Variants in DOK5 observed in about 807,000 individuals in gnomAD.
DOK5 encodes the protein downstream of tyrosine kinase 5.
In DOK5, 27 loss-of-function variants were observed where a neutral mutation model predicts 43.3. The ratio of observed to expected loss-of-function variants is 0.62; its 90% confidence interval spans 0.46 to 0.86. DOK5 has a LOEUF of 0.86. Among genes scored for constraint, DOK5 ranks in the 40% least tolerant of loss-of-function variants. The pLI is 0.00. For missense variants in DOK5, 373 were observed against 392.9 expected, an observed-to-expected ratio of 0.95 and a Z score of 0.43; for synonymous variants, 146 against 140.1, an observed-to-expected ratio of 1.04 and a Z score of -0.30.
At chr20:54,627,682 G>A (rs1174411339) in intron 6 of DOK5, among the ~76,000 whole-genome samples, 4 of 152,192 alleles carry the variant, frequency 2.6e-5, no homozygotes, top group African/African-American at 9.7e-5. Context: ...CAACTTACGT[G>A]TGCATCACAG....
intron 5 of DOK5, among the ~76,000 whole-genome samples, chr20:54,601,499 C>T (rs1446190994): frequency 6.6e-6 from 1 of 152,232 alleles, no homozygotes; most frequent in African/African-American, 2.4e-5. Flanking sequence ...GTCTGTTATA[C>T]TAGCTTTGTT....
At chr20:54,645,276 C>T (rs1266153681) in intron 7 of DOK5, among the ~76,000 whole-genome samples, 13 of 145,850 alleles carry the variant, frequency 8.9e-5, no homozygotes, top group Admixed American at 2.1e-4. Flanking sequence ...TCCTCCATGC[C>T]CGCTCTGAAC....
chr20:54,591,827 G>T (rs1215136354), intron 5 of DOK5, 22 bp downstream of exon 5: 2 of 1,601,720 alleles, frequency 1.2e-6, no homozygotes, highest in Admixed American at 1.7e-5. Flanking sequence ...GACTTTTAAT[G>T]ACTATTTTTC....
chr20:54,485,243 T>TGGCGGAGGTTGCAGTGAGC (rs775564909), intron 1 of DOK5, among the ~76,000 whole-genome samples: 90 of 150,452 alleles, frequency 6.0e-4, no homozygotes, highest in Non-Finnish European at 8.7e-4. Context: ...TGAACCCGGA[T>TGGCGGAGGTTGCAGTGAGC]GGCGGAGGTT....
At chr20:54,566,030 A>C (rs1985086168) in intron 2 of DOK5, among the ~76,000 whole-genome samples, 1 of 151,584 alleles carries the variant, frequency 6.6e-6, no homozygotes, top group Non-Finnish European at 1.5e-5. Flanking sequence ...AAAAAAAAAA[A>C]AACCCTGAAC....
chr20:54,507,826 T>C (rs893741514), intron 1 of DOK5, among the ~76,000 whole-genome samples: 1 of 152,174 alleles, frequency 6.6e-6, no homozygotes, highest in Non-Finnish European at 1.5e-5. Context: ...AGAAAAAGGA[T>C]AGTCATATCA....
chr20:54,512,111 G>C (rs190461434), intron 1 of DOK5, among the ~76,000 whole-genome samples: 5 of 152,296 alleles, frequency 3.3e-5, no homozygotes, highest in Non-Finnish European at 7.4e-5. Context: ...GATGCCCCAT[G>C]ACACAAGCAG....
At chr20:54,593,257 C>T (rs1404139843) in intron 5 of DOK5, among the ~76,000 whole-genome samples, 2 of 125,412 alleles carry the variant, frequency 1.6e-5, no homozygotes, top group East Asian at 3.9e-4. Flanking sequence ...ACTCTGTCTC[C>T]CAGAAAAAAA....
chr20:54,523,757 C>T (rs1019883967), intron 1 of DOK5, among the ~76,000 whole-genome samples: 1 of 143,324 alleles, frequency 7.0e-6, no homozygotes, highest in African/African-American at 2.9e-5. Context: ...AGGTGTGCAC[C>T]ACCACATTTG....
Position 54,476,051 on chromosome 20 carries a change from C to A in DOK5, c.66+39C>A, listed in dbSNP as rs780952483. 33 of 1,609,108 alleles carry A rather than the reference C, an allele frequency of 2.1e-5. No homozygotes were observed. In the Admixed American group the frequency reaches 5.4e-4, roughly 26 times the overall value. On this transcript the variant is annotated intron_variant, in intron 1 of 7. Transcript: ENST00000262593. Reference sequence around the variant, plus strand: ...CTCTCCGTGTTGCTGTTCGCCGGTTCGATTGTCTCTCTCTTGAGCCAGCAT... The same window carrying A: ...CTCTCCGTGTTGCTGTTCGCCGGTTAGATTGTCTCTCTCTTGAGCCAGCAT...
At chr20:54,611,910 G>A (rs368261641) in intron 6 of DOK5, among the ~76,000 whole-genome samples, 44 of 152,302 alleles carry the variant, frequency 2.9e-4, no homozygotes, top group Non-Finnish European at 8.8e-5. Context: ...TTTTAGAGCC[G>A]GGGTCAGCAA....
chr20:54,593,368 A>G (rs1412465328), intron 5 of DOK5, among the ~76,000 whole-genome samples: 3 of 152,084 alleles, frequency 2.0e-5, no homozygotes, highest in African/African-American at 7.2e-5. Flanking sequence ...AAAGTTTTTT[A>G]CTTTATACTT....
At chr20:54,534,889 T>G (rs1051712562) in intron 1 of DOK5, among the ~76,000 whole-genome samples, 6 of 151,644 alleles carry the variant, frequency 4.0e-5, no homozygotes, top group Non-Finnish European at 7.3e-5. Context: ...CAGGCTGGAG[T>G]GCAGTGGCAC....
intron 1 of DOK5, among the ~76,000 whole-genome samples, chr20:54,491,677 G>C (rs182620089): frequency 3.2e-4 from 49 of 152,310 alleles, no homozygotes; most frequent in Non-Finnish European, 1.2e-4. Flanking sequence ...CACAGGAAGG[G>C]TGACTGTGGT....
At chr20:54,497,284 C>T (rs1600662739) in intron 1 of DOK5, among the ~76,000 whole-genome samples, 1 of 152,148 alleles carries the variant, frequency 6.6e-6, no homozygotes, top group African/African-American at 2.4e-5. Flanking sequence ...ATTACAAACC[C>T]GAATGTAGAG....
chr20:54,535,726 G>A (rs1424262473), intron 1 of DOK5, among the ~76,000 whole-genome samples: 2 of 152,126 alleles, frequency 1.3e-5, no homozygotes, highest in African/African-American at 2.4e-5. Flanking sequence ...GGTATAAAAA[G>A]TAGCACTTGG....
intron 6 of DOK5, 94 bp from the exon 7 acceptor site, chr20:54,643,364 G>A (rs1979217187): frequency 1.3e-6 from 2 of 1,519,844 alleles, no homozygotes; most frequent in South Asian, 1.2e-5. Flanking sequence ...GGCCAGCTCT[G>A]TGGTTCTTTT....
At chr20:54,535,454 G>A (rs757052171) in intron 1 of DOK5, among the ~76,000 whole-genome samples, 5 of 151,730 alleles carry the variant, frequency 3.3e-5, no homozygotes, top group Non-Finnish European at 7.4e-5. Context: ...TTGCTGAAAT[G>A]TTTCCTTGTG....
At chr20:54,603,192 G>T (rs6023403) in intron 5 of DOK5, among the ~76,000 whole-genome samples, 26,623 of 152,198 alleles carry the variant, frequency 0.17, 4,322 homozygotes, top group African/African-American at 0.43. Context: ...ATCCTGAGTG[G>T]CAAGTGATAC....
Sources: gnomAD v4.1 joint callset for allele counts (sites outside exome capture counted in the v4.1 genomes callset) on GRCh38, gnomAD v4.1.1 for gene constraint, MANE v1.5 for transcripts, NCBI Gene and HGNC (gene_info 2026-07-23, HGNC 2026-07-21) for gene names.